Variants in AKAP13 observed in about 807,000 individuals in gnomAD.
AKAP13 encodes the protein A-kinase anchor protein 13.
AKAP13 carries 80 observed loss-of-function variants against 264.5 expected under a neutral mutation model. The observed-to-expected ratio is 0.30, with a 90% CI of 0.25 to 0.36. AKAP13 has a LOEUF of 0.36. AKAP13 is among the 10% of genes least tolerant of loss of function. The pLI, the probability that AKAP13 is intolerant of heterozygous loss-of-function variation, is 1.00. For synonymous variants in AKAP13, 1,380 were observed against 1,250.2 expected (o/e 1.10, Z -2.19); for missense variants, 3,712 against 3,435.2 (o/e 1.08, Z -2.01).
intron 1 of AKAP13, among the ~76,000 whole-genome samples, chr15:85,474,064 G>T (rs537603260): frequency 6.6e-6 from 1 of 152,186 alleles, no homozygotes; most frequent in African/African-American, 2.4e-5. Flanking sequence ...TGTGATATCA[G>T]TTCTTTCTCT....
intron 34 of AKAP13, chr15:85,740,645 CCCA>C: frequency 3.1e-6 from 1 of 324,880 alleles, no homozygotes; most frequent in Non-Finnish European, 5.7e-6. Flanking sequence ...TTTCGGACTT[CCCA>C]GGAACATCCT....
intron 17 of AKAP13, chr15:85,702,272 A>AT: frequency 7.1e-6 from 1 of 141,450 alleles, no homozygotes; most frequent in African/African-American, 2.6e-5. Flanking sequence ...CACACACACA[A>AT]AAGGAGTGAA....
Position 85,483,643 on chromosome 15 carries a change from A to ACAAAC in AKAP13, c.-11-2067_-11-2066insCAAAC, listed in dbSNP as rs1230625054. Among the ~76,000 whole-genome samples, 5 of 148,492 alleles carry ACAAAC rather than the reference A, an allele frequency of 3.4e-5. No individual in the cohort carries two copies. In the East Asian group the frequency reaches 7.8e-4, roughly 23 times the overall value. ...GCGAGACTCCGTCTCAAAAAAAAAAAAAAAAAAACACCAAAAAATCAGCTG... is the reference window on the plus strand; with the variant it reads ...GCGAGACTCCGTCTCAAAAAAAAAAACAAACAAAAAAAACACCAAAAAATCAGCTG... On this transcript the variant is annotated intron_variant, in intron 1 of 36. Transcript: ENST00000394518.
At chr15:85,549,904 T>C (rs2077893188) in intron 5 of AKAP13, among the ~76,000 whole-genome samples, 1 of 152,144 alleles carries the variant, frequency 6.6e-6, no homozygotes, top group Non-Finnish European at 1.5e-5. Context: ...TTACATATGG[T>C]AAGTATTGTC....
chr15:85,423,953 T>C (rs1281492737), intron 1 of AKAP13, among the ~76,000 whole-genome samples: 1 of 152,188 alleles, frequency 6.6e-6, no homozygotes, highest in East Asian at 1.9e-4. Context: ...GCAGGAGTCT[T>C]TTTTTTCTGG....
intron 7 of AKAP13, among the ~76,000 whole-genome samples, chr15:85,583,315 G>A (rs941420778): frequency 6.6e-6 from 1 of 152,158 alleles, no homozygotes; most frequent in Non-Finnish European, 1.5e-5. Context: ...TGGAAGAAGC[G>A]CAATTTAAAT....
chr15:85,702,823 A>G (rs1344494047), intron 17 of AKAP13: 2 of 152,188 alleles, frequency 1.3e-5, no homozygotes, highest in Non-Finnish European at 2.9e-5. Flanking sequence ...TTATTTCTCT[A>G]TTATGTAAAG....
chr15:85,581,100 G>A lies in AKAP13; in HGVS notation c.3032G>A (p.Gly1011Asp), dbSNP rs377072927. Residue 1011 changes from glycine (G) to aspartate (D), a missense_variant, in exon 7 of 37, where the codon GGT (glycine) becomes GAT (aspartate). By Grantham distance (94) the Gly-to-Asp change is moderately conservative (BLOSUM62 -1). Transcript: ENST00000394518. The stretch of plus-strand genomic sequence containing the variant: ...CCACAAGTCTCACTGCTGACTCAAG[G>A]TGGGGCTGCCCAGAGCCTGGTGCCA... ...VAPQVSLLTQGGAAQSLVPPG... is the reference protein window; with the variant it reads ...VAPQVSLLTQDGAAQSLVPPG... 6.2e-6 allele frequency: 10 copies of A among 1,614,028 alleles called. No individual in the cohort carries two copies. In the African/African-American group the frequency reaches 9.3e-5, roughly 15 times the overall value.
chr15:85,390,731 A>C (rs1048003564), intron 1 of AKAP13, among the ~76,000 whole-genome samples: 1 of 152,200 alleles, frequency 6.6e-6, no homozygotes, highest in Non-Finnish European at 1.5e-5. Context: ...GTTTGAATCC[A>C]TATACGCTGA....
chr15:85,740,239 T>C lies in AKAP13; in HGVS notation c.7575T>C (p.Val2525=). 6.2e-7 allele frequency: 1 copy of C among 1,614,214 alleles called. No homozygotes were observed. Among genetic ancestry groups the C allele is most frequent in the Non-Finnish European group, 8.5e-7 (1 of 1,180,026 alleles). The part of the protein sequence containing the change: ...KRNSEQVVQS[V]VHLYELLSAL... ...TTTGGCAGCAGGTTGTCCAGAGCGT[T>C]GTTCATCTCTACGAGCTCCTCAGCG... The change falls in exon 34 of 37, where the codon GTT becomes GTC. Residue 2525 remains valine, a synonymous_variant. Coordinates refer to ENST00000394518, the MANE Select transcript of AKAP13 (RefSeq NM_007200.5).
At chr15:85,381,250 C>T (rs1249673871) in intron 1 of AKAP13, among the ~76,000 whole-genome samples, 1 of 152,068 alleles carries the variant, frequency 6.6e-6, no homozygotes, top group Admixed American at 6.5e-5. Context: ...GGAGTCCGCG[C>T]CGTGAACAAG....
chr15:85,460,693 C>G (rs1203139399), intron 1 of AKAP13, among the ~76,000 whole-genome samples: 1 of 152,172 alleles, frequency 6.6e-6, no homozygotes, highest in African/African-American at 2.4e-5. Flanking sequence ...AGCAGAGAAC[C>G]TTTCTTGCCT....
intron 8 of AKAP13, among the ~76,000 whole-genome samples, chr15:85,635,507 T>C (rs2082033426): frequency 6.6e-6 from 1 of 152,140 alleles, no homozygotes; most frequent in African/African-American, 2.4e-5. Context: ...TCCTTCAGTT[T>C]TTAGTTTACC....
intron 2 of AKAP13, among the ~76,000 whole-genome samples, chr15:85,494,938 GGTGGA>G (rs2075830481): frequency 1.3e-5 from 2 of 152,148 alleles, no homozygotes; most frequent in African/African-American, 4.8e-5. Context: ...CTCCTTTCTT[GGTGGA>G]GTGAACAGGT....
intron 12 of AKAP13, among the ~76,000 whole-genome samples, chr15:85,661,009 A>G (rs528008225): frequency 4.2e-4 from 64 of 152,306 alleles, no homozygotes; most frequent in African/African-American, 1.2e-3. Context: ...CCCATCTGCA[A>G]GATTCTGGAG....
intron 8 of AKAP13, among the ~76,000 whole-genome samples, chr15:85,600,114 C>T (rs949395374): frequency 7.2e-5 from 11 of 151,950 alleles, no homozygotes; most frequent in African/African-American, 2.7e-4. Context: ...TGAAGGAGAC[C>T]TTTAATGTGG....
chr15:85,555,387 A>AGG (rs2078107384), intron 5 of AKAP13: 1 of 1,271,542 alleles, frequency 7.9e-7, no homozygotes, highest in Non-Finnish European at 1.0e-6. Context: ...ACACGCCTTT[A>AGG]GGAGGGGTAA....
At chr15:85,671,197 A>G (rs933898557) in intron 14 of AKAP13, among the ~76,000 whole-genome samples, 8 of 152,142 alleles carry the variant, frequency 5.3e-5, no homozygotes, top group East Asian at 1.9e-4. Flanking sequence ...CAGATGCCCT[A>G]TATTCATGGG....
At chr15:85,485,276 C>T (rs1479292427) in intron 1 of AKAP13, among the ~76,000 whole-genome samples, 52 of 152,260 alleles carry the variant, frequency 3.4e-4, no homozygotes, top group Non-Finnish European at 8.8e-5. Flanking sequence ...GAAGAGAGTT[C>T]TAGTGGTCCC....
Sources: allele counts gnomAD v4.1 joint callset (sites outside exome capture counted in the v4.1 genomes callset), GRCh38; gene constraint gnomAD v4.1.1; transcripts MANE v1.5; gene names NCBI Gene and HGNC (gene_info 2026-07-23, HGNC 2026-07-21).